The following PNPLA4 variants were observed in gnomAD, a reference collection of about 807,000 sequenced individuals.
The protein encoded by PNPLA4 is patatin-like phospholipase domain-containing protein 4.
Under a neutral mutation model 18.3 loss-of-function variants are expected in PNPLA4, and 15 were observed. That is an observed-to-expected ratio of 0.82 (90% CI 0.55 to 1.26). The LOEUF (loss-of-function observed/expected upper bound fraction) is 1.26. Ranked by LOEUF, PNPLA4 falls within the 50% of genes most tolerant of loss-of-function variation. The pLI, the probability that PNPLA4 is intolerant of heterozygous loss-of-function variation, is 0.00. For missense variants in PNPLA4, 229 were observed against 196.8 expected (o/e 1.16, Z -0.98); for synonymous variants, 88 against 85.6 (o/e 1.03, Z -0.16).
chrX:7,904,317 C>A (rs1923640938), intron 5 of PNPLA4, among the ~76,000 whole-genome samples: 1 of 112,253 alleles, frequency 8.9e-6, no homozygotes, highest in African/African-American at 3.2e-5. Context: ...GGGTTAATGA[C>A]TGCTGTTTTA....
chrX:7,913,946 C>T (rs1034488322), intron 4 of PNPLA4, among the ~76,000 whole-genome samples: 1 of 112,526 alleles, frequency 8.9e-6, no homozygotes, highest in African/African-American at 3.2e-5. Flanking sequence ...CCAACATACA[C>T]GTCAGATTTC....
chrX:7,903,365 T>A (rs1029206133), intron 5 of PNPLA4, among the ~76,000 whole-genome samples: 8 of 110,208 alleles, frequency 7.3e-5, no homozygotes, highest in Non-Finnish European at 1.1e-4. Flanking sequence ...AGTGGTGTGA[T>A]CTCAGCTCAC....
At position 7,913,696 on chromosome X, in the gene PNPLA4, T is replaced by C. The variant is rs146516236; in HGVS notation, c.412-1603A>G. Among the ~76,000 whole-genome samples the C allele has an allele frequency of 9.4e-3, 1,057 of 112,912 alleles. 13 individuals carry two copies. The highest frequency in any genetic ancestry group is 0.033 in the African/African-American group (1,019 of 31,138). ...CCCCCTGTTCAGAAAGTATGGAGAA[T>C]ATTAAGATGTTGACAGCAGAGCATT... On this transcript the variant is annotated intron_variant, in intron 4 of 6. Transcript: ENST00000381042.
chrX:7,921,007 T>C (rs1436843156), intron 4 of PNPLA4, among the ~76,000 whole-genome samples: 2 of 112,396 alleles, frequency 1.8e-5, no homozygotes, highest in African/African-American at 3.2e-5. Context: ...TGGTGGTTCA[T>C]GCCTGTAATT....
At chrX:7,916,162 T>C (rs746627387) in intron 4 of PNPLA4, among the ~76,000 whole-genome samples, 2 of 112,068 alleles carry the variant, frequency 1.8e-5, no homozygotes, top group Admixed American at 9.5e-5. Flanking sequence ...TACGACGCCA[T>C]TGCACTGTTA....
Position 7,921,342 on chromosome X carries a change from C to T in PNPLA4, c.411+371G>A, listed in dbSNP as rs180809563. ...TTGATTTACAGAAGGACTTGAAGGA[C>T]TGAATAAGAGAGTACATGTTAAAAA... On this transcript the variant is annotated intron_variant, in intron 4 of 6. Coordinates refer to ENST00000381042, the MANE Select transcript of PNPLA4 (RefSeq NM_004650.3). Among the ~76,000 whole-genome samples the T allele has an allele frequency of 7.1e-4, 80 of 112,082 alleles. 1 individual carries two copies. Among genetic ancestry groups the T allele is most frequent in the South Asian group, 3.7e-3 (10 of 2,673 alleles).
chrX:7,925,621 A>G (rs181440078), intron 2 of PNPLA4, among the ~76,000 whole-genome samples: 2 of 112,242 alleles, frequency 1.8e-5, no homozygotes, highest in East Asian at 5.6e-4. Context: ...AACAGGCCCC[A>G]TGCTCTTCTC....
chrX:7,926,435 C>T (rs1924410435), intron 1 of PNPLA4, among the ~76,000 whole-genome samples: 1 of 112,275 alleles, frequency 8.9e-6, no homozygotes, highest in Admixed American at 9.4e-5. Context: ...CGTATAAATT[C>T]CAGTTGACAA....
intron 2 of PNPLA4, among the ~76,000 whole-genome samples, chrX:7,924,985 T>C (rs773535529): frequency 1.3e-4 from 15 of 111,940 alleles, no homozygotes; most frequent in African/African-American, 4.9e-4. Context: ...TTAGGGGGAA[T>C]TTTCCGACCT....
At position 7,899,626 on chromosome X, in the gene PNPLA4, C is replaced by CCAGAGAGAGAGAGAGAGAGAGAGAGAGA. The variant is rs763944921; in HGVS notation, c.*1059_*1060insTCTCTCTCTCTCTCTCTCTCTCTCTCTG. The CCAGAGAGAGAGAGAGAGAGAGAGAGAGA allele has an allele frequency of 3.9e-4, 18 of 46,567 alleles. 6 individuals are homozygous for CCAGAGAGAGAGAGAGAGAGAGAGAGAGA. The highest frequency in any genetic ancestry group is 0.028 in the Middle Eastern group (2 of 72). 3.8% of individuals were successfully genotyped at this position (46,567 alleles called of 1,213,427 possible). ...TAGCTAAATACTCAGAGAGGTATGG[C>CCAGAGAGAGAGAGAGAGAGAGAGAGAGA]GAGAGAGAGAGAGAGAGAGAGAGAG... On this transcript the variant is annotated 3_prime_UTR_variant, in exon 7 of 7. Coordinates refer to ENST00000381042, the MANE Select transcript of PNPLA4 (RefSeq NM_004650.3).
chrX:7,902,538 G>A (rs1923571778), intron 5 of PNPLA4, among the ~76,000 whole-genome samples: 2 of 112,166 alleles, frequency 1.8e-5, no homozygotes, highest in Non-Finnish European at 3.8e-5. Flanking sequence ...GGCATTTTCT[G>A]TGGCAAACTT....
chrX:7,906,159 T>C (rs1396215769), intron 5 of PNPLA4, among the ~76,000 whole-genome samples: 1 of 111,967 alleles, frequency 8.9e-6, no homozygotes, highest in African/African-American at 3.2e-5. Flanking sequence ...TTTCATGAGA[T>C]AGCCTACAGA....
At chrX:7,925,864 T>C in intron 2 of PNPLA4, 76 bp downstream of exon 2, 2 of 851,847 alleles carry the variant, frequency 2.3e-6, no homozygotes, top group Non-Finnish European at 1.7e-6. Flanking sequence ...GTTAACTTAG[T>C]AGAGTCAATG....
At chrX:7,901,617 C>G (rs145203518) in intron 6 of PNPLA4, among the ~76,000 whole-genome samples, 2,438 of 110,761 alleles carry the variant, frequency 0.022, 67 homozygotes, top group African/African-American at 0.076. Context: ...TGATATCCTA[C>G]CAAGTTTATT....
At chrX:7,908,343 A>G (rs755585674) in intron 5 of PNPLA4, among the ~76,000 whole-genome samples, 1 of 112,117 alleles carries the variant, frequency 8.9e-6, no homozygotes, top group South Asian at 3.7e-4. Flanking sequence ...GACAACAAAT[A>G]CATCAAAACC....
chrX:7,912,705 T>C (rs1016011042), intron 4 of PNPLA4, among the ~76,000 whole-genome samples: 37 of 112,469 alleles, frequency 3.3e-4, no homozygotes, highest in African/African-American at 1.1e-3. Context: ...TCATGGGAAG[T>C]TGGGCTCTGA....
intron 4 of PNPLA4, among the ~76,000 whole-genome samples, chrX:7,915,914 G>T (rs1302089097): frequency 1.8e-5 from 2 of 111,867 alleles, no homozygotes; most frequent in East Asian, 5.6e-4. Context: ...AAATGTGAGA[G>T]GATCTTGTTA....
At chrX:7,923,887 C>T (rs1214816618) in intron 2 of PNPLA4, among the ~76,000 whole-genome samples, 1 of 110,873 alleles carries the variant, frequency 9.0e-6, no homozygotes. Context: ...GGTGACATCA[C>T]TCTAAGCGCT....
Position 7,902,150 on chromosome X carries a change from A to T in PNPLA4, c.478-9T>A, listed in dbSNP as rs766339264. ...CCTCCGTCCACCCACTTCTGTGGAA[A>T]GAAACATCTCACGTCAGCACACGTC... On this transcript the variant is annotated splice_polypyrimidine_tract_variant and intron_variant, in intron 5 of 6. Coordinates refer to ENST00000381042, the MANE Select transcript of PNPLA4 (RefSeq NM_004650.3). The T allele has an allele frequency of 8.4e-7, 1 of 1,195,418 alleles. No homozygotes were observed. The highest frequency in any genetic ancestry group is 2.3e-5 in the Admixed American group (1 of 42,830).
Sources: gnomAD v4.1 joint callset for allele counts (sites outside exome capture counted in the v4.1 genomes callset) on GRCh38, gnomAD v4.1.1 for gene constraint, MANE v1.5 for transcripts, NCBI Gene and HGNC (gene_info 2026-07-23, HGNC 2026-07-21) for gene names.